The following ABCB11 variants were observed in gnomAD, a reference collection of about 807,000 sequenced individuals.
The protein encoded by ABCB11 is ATP binding cassette subfamily B member 11.
A neutral mutation model predicts 148.0 loss-of-function variants in ABCB11; 95 were observed. The ratio of observed to expected loss-of-function variants is 0.64; its 90% CI spans 0.54 to 0.76. The LOEUF is 0.76. Among genes scored for constraint, ABCB11 ranks in the 30% least tolerant of loss-of-function variants. The pLI is 0.00. For synonymous variants in ABCB11, 591 were observed against 555.4 expected, an observed-to-expected ratio of 1.06 and a Z score of -0.90; for missense variants, 1,523 against 1,617.8, an observed-to-expected ratio of 0.94 and a Z score of 1.01.
chr2:168,932,383 T>G lies in ABCB11; in HGVS notation c.3207A>C (p.Glu1069Asp), dbSNP rs1275736938. Residue 1069 changes from glutamate to aspartate, a missense_variant, in exon 24 of 28, where the codon GAA becomes GAC. Glu to Asp is a conservative substitution (Grantham distance 45). Transcript: ENST00000650372. The part of the protein sequence containing the change: ...PPISVYNTAG[E>D]KWDNFQGKID... ...ATAGTATTCCAACACTTACCCATTT[T>G]TCACCTGCAGTATTGTATACACTGA... 4.5e-6 allele frequency: 7 copies of G among 1,557,734 alleles called. No individual in the cohort carries two copies. The Admixed American group carries it at 5.8e-5, about 13-fold the overall frequency.
chr2:168,986,856 A>T (rs1007793676), intron 9 of ABCB11, among the ~76,000 whole-genome samples: 1 of 152,176 alleles, frequency 6.6e-6, no homozygotes, highest in African/African-American at 2.4e-5. Flanking sequence ...GGTTTCAGTA[A>T]TTCCATGATC....
At chr2:168,989,379 A>T (rs1386172535) in intron 9 of ABCB11, among the ~76,000 whole-genome samples, 1 of 152,092 alleles carries the variant, frequency 6.6e-6, no homozygotes, top group Admixed American at 6.6e-5. Flanking sequence ...TATTGAAGAG[A>T]CTGCCCTTTC....
At chr2:168,983,282 G>T (rs1162755904) in intron 10 of ABCB11, among the ~76,000 whole-genome samples, 1 of 152,102 alleles carries the variant, frequency 6.6e-6, no homozygotes, top group Non-Finnish European at 1.5e-5. Flanking sequence ...TGTATAAGCA[G>T]CTAGGACTAA....
chr2:168,978,832 A>G (rs974324475), intron 11 of ABCB11, among the ~76,000 whole-genome samples: 1 of 151,778 alleles, frequency 6.6e-6, no homozygotes, highest in Non-Finnish European at 1.5e-5. Flanking sequence ...TGATCCTCCC[A>G]CCTCAGCCTC....
chr2:168,952,816 T>C (rs1438740754), intron 19 of ABCB11, among the ~76,000 whole-genome samples: 1 of 151,674 alleles, frequency 6.6e-6, no homozygotes, highest in Non-Finnish European at 1.5e-5. Context: ...ATTTGTGATC[T>C]TTCTACTTTT....
intron 25 of ABCB11, among the ~76,000 whole-genome samples, chr2:168,929,627 GAAGT>G (rs1210904300): frequency 2.0e-5 from 3 of 152,300 alleles, no homozygotes; most frequent in East Asian, 1.9e-4. Context: ...AGAGGTAAAA[GAAGT>G]AAGAGGTGAA....
chr2:168,940,513 G>A (rs1191047272), intron 21 of ABCB11, among the ~76,000 whole-genome samples: 2 of 151,962 alleles, frequency 1.3e-5, no homozygotes, highest in Admixed American at 6.6e-5. Flanking sequence ...GGAAGCTTTG[G>A]GAGAAAAGTT....
At position 168,997,001 on chromosome 2, in the gene ABCB11, G is replaced by A. The variant is rs370266167; in HGVS notation, c.390-279C>T. Among the ~76,000 whole-genome samples, 15 of 151,896 alleles carry A rather than the reference G, an allele frequency of 9.9e-5. No homozygotes were observed. The East Asian group carries it at 1.9e-3, about 20-fold the overall frequency. On this transcript the variant is annotated intron_variant, in intron 5 of 27. Transcript: ENST00000650372. ...TCATTTTTATAGGCAGAGATGCTAG[G>A]ACTATGAAATAATTAATTAGCAGTT...
chr2:169,023,300 T>C (rs776092434), intron 1 of ABCB11, among the ~76,000 whole-genome samples: 6 of 152,188 alleles, frequency 3.9e-5, no homozygotes, highest in Non-Finnish European at 8.8e-5. Context: ...ATACATGCTA[T>C]GCCATAAAAC....
At chr2:168,955,544 T>A (rs1692751418) in intron 19 of ABCB11, among the ~76,000 whole-genome samples, 1 of 151,706 alleles carries the variant, frequency 6.6e-6, no homozygotes, top group East Asian at 2.0e-4. Flanking sequence ...CATGATCTAG[T>A]CACCTTCCAC....
Position 169,013,326 on chromosome 2 carries a change from A to G in ABCB11, c.335T>C (p.Ile112Thr). ...GTTGAGGGAACTGTTAGTCCATACA[A>G]TGGTGTTATTCACACATGCTTTTCC... is the stretch of plus-strand genomic sequence containing the variant. Reference protein sequence around the residue: ...IPGKACVNNTIVWTNSSLNQN... With the variant: ...IPGKACVNNTTVWTNSSLNQN... Residue 112 changes from isoleucine to threonine, a missense_variant, in exon 5 of 28, where the codon ATT (isoleucine) becomes ACT (threonine). Ile to Thr is a moderately conservative substitution (Grantham distance 89, BLOSUM62 -1). Transcript: ENST00000650372. 6.2e-7 allele frequency: 1 copy of G among 1,613,842 alleles called. No individual in the cohort carries two copies. Among genetic ancestry groups the G allele is most frequent in the Non-Finnish European group, 8.5e-7 (1 of 1,179,770 alleles).
chr2:168,945,106 T>C, intron 19 of ABCB11, 145 bp from the exon 20 acceptor site: 1 of 596,466 alleles, frequency 1.7e-6, no homozygotes. Context: ...TGAACCCTAA[T>C]GTAAGCTGTG....
At chr2:169,002,646 C>T (rs945173630) in intron 5 of ABCB11, among the ~76,000 whole-genome samples, 12 of 152,080 alleles carry the variant, frequency 7.9e-5, no homozygotes, top group African/African-American at 2.9e-4. Flanking sequence ...AGATGCACCT[C>T]GAGTATATCA....
At chr2:168,966,999 TTTTG>T (rs756387515) in intron 17 of ABCB11, among the ~76,000 whole-genome samples, 1 of 151,922 alleles carries the variant, frequency 6.6e-6, no homozygotes, top group Admixed American at 6.6e-5. Context: ...ATGAGTAGAA[TTTTG>T]TTTGTCTGAA....
chr2:168,962,472 G>A lies in ABCB11; in HGVS notation c.2178+1734C>T, dbSNP rs928231070. Among the ~76,000 whole-genome samples the A allele has an allele frequency of 2.2e-4, 33 of 151,558 alleles. 1 individual carries two copies. Among genetic ancestry groups the A allele is most frequent in the Non-Finnish European group, 1.5e-5 (1 of 67,688 alleles). ...TGGGAATCTGATCTCCAGATGTCCA[G>A]GGAATCTGATGGTCCCCTACACCTA... On this transcript the variant is annotated intron_variant, in intron 18 of 27. Coordinates refer to ENST00000650372, the MANE Select transcript of ABCB11 (RefSeq NM_003742.4).
intron 1 of ABCB11, among the ~76,000 whole-genome samples, chr2:169,025,327 C>T (rs771951745): frequency 9.9e-5 from 15 of 152,180 alleles, no homozygotes; most frequent in Non-Finnish European, 1.8e-4. Flanking sequence ...TCTCTCTCCA[C>T]GTCCTGATTT....
chr2:168,968,631 A>G lies in ABCB11; in HGVS notation c.2012-141T>C. The G allele has an allele frequency of 9.9e-6, 7 of 704,692 alleles. No individual in the cohort carries two copies. In the South Asian group the frequency reaches 1.5e-4, roughly 15 times the overall value. The allele number at this position is 704,692 out of a possible 1,614,324, so 43.7% of individuals were successfully genotyped here. On this transcript the variant is annotated intron_variant, in intron 16 of 27. Transcript: ENST00000650372. ...TTCTGTTAACTTTATTGCAATAAAT[A>G]AAACTCGGGACTTGTCCTGCAGATT... is the stretch of plus-strand genomic sequence containing the variant.
intron 27 of ABCB11, among the ~76,000 whole-genome samples, chr2:168,924,382 T>C (rs1377316125): frequency 1.3e-5 from 2 of 152,196 alleles, no homozygotes; most frequent in Non-Finnish European, 2.9e-5. Context: ...TTTTACTTTA[T>C]TCAAGAAAGG....
chr2:168,958,451 A>G (rs558761613), intron 18 of ABCB11, among the ~76,000 whole-genome samples: 3 of 151,734 alleles, frequency 2.0e-5, no homozygotes, highest in Non-Finnish European at 4.4e-5. Flanking sequence ...TTAAAAAAAG[A>G]AAACCTTTGC....
Sources: allele counts gnomAD v4.1 joint callset (sites outside exome capture counted in the v4.1 genomes callset), GRCh38; gene constraint gnomAD v4.1.1; transcripts MANE v1.5; gene names NCBI Gene and HGNC (gene_info 2026-07-23, HGNC 2026-07-21).